Variants in PRKN observed in about 807,000 individuals in gnomAD.
PRKN encodes the protein parkin RBR E3 ubiquitin protein ligase.
PRKN carries 56 observed loss-of-function variants against 59.5 expected under a neutral mutation model. The ratio of observed to expected loss-of-function variants is 0.94; its 90% CI spans 0.76 to 1.18. PRKN has a LOEUF of 1.18. Ranked by LOEUF, PRKN falls within the 50% of genes most tolerant of loss-of-function variation. The probability of loss-of-function intolerance (pLI) is 0.00; values close to 1 mark genes in which losing one functional copy is unlikely to be tolerated. For synonymous variants in PRKN, 250 were observed against 222.1 expected (o/e 1.13, Z -1.12); for missense variants, 657 against 596.4 (o/e 1.10, Z -1.06).
rs1249184911 is a variant in PRKN at position 161,463,367 on chromosome 6, C to T, written c.1084-76490G>A. Among the ~76,000 whole-genome samples the T allele has an allele frequency of 6.6e-6, 1 of 152,178 alleles. No individual in the cohort carries two copies. Among genetic ancestry groups the T allele is most frequent in the Non-Finnish European group, 1.5e-5 (1 of 68,030 alleles). ...ATCCTTACTGATCCTGCCTAACTGG[C>T]TCTTGAATCATGTTTTCCAGAGGTC... On this transcript the variant is annotated intron_variant, in intron 9 of 11. Coordinates refer to ENST00000366898, the MANE Select transcript of PRKN (RefSeq NM_004562.3). The surrounding 1 kb of genome is among the most constrained non-coding windows in gnomAD (Gnocchi z 4.8).
In PRKN at chr6:161,590,509, G is replaced by A. The variant is rs141078262; in HGVS notation, c.872-21093C>T. ...GAACTTTGGGAGGCTGAGGCGGGCCGATCAGTTGAGGTCAGGAGTTCATGA... is the reference window on the plus strand; with the variant it reads ...GAACTTTGGGAGGCTGAGGCGGGCCAATCAGTTGAGGTCAGGAGTTCATGA... On this transcript the variant is annotated intron_variant, in intron 7 of 11. Transcript: ENST00000366898. Among the ~76,000 whole-genome samples, 933 of 152,196 alleles carry A rather than the reference G, an allele frequency of 6.1e-3. 9 individuals carry two copies. The highest frequency in any genetic ancestry group is 0.021 in the African/African-American group (872 of 41,512).
chr6:162,564,472 A>G (rs1187852737), intron 1 of PRKN, among the ~76,000 whole-genome samples: 1 of 152,196 alleles, frequency 6.6e-6, no homozygotes, highest in Non-Finnish European at 1.5e-5. Flanking sequence ...AAACCTAGAG[A>G]AAGATATCAA....
At chr6:161,779,016 T>G (rs966970597) in intron 7 of PRKN, among the ~76,000 whole-genome samples, 12 of 152,176 alleles carry the variant, frequency 7.9e-5, no homozygotes, top group African/African-American at 2.9e-4. Flanking sequence ...CTCGGCTCAC[T>G]GCAACCTCCA....
In PRKN at chr6:162,236,993, G is replaced by A. The variant is rs191211581; in HGVS notation, c.412+25532C>T. Among the ~76,000 whole-genome samples the A allele has an allele frequency of 2.5e-3, 387 of 152,144 alleles. 2 individuals carry two copies. The highest frequency in any genetic ancestry group is 8.7e-3 in the African/African-American group (363 of 41,534). On this transcript the variant is annotated intron_variant, in intron 3 of 11. Coordinates refer to ENST00000366898, the MANE Select transcript of PRKN (RefSeq NM_004562.3). ...CCCTTGAGATGCCTGCAGATCTTAT[G>A]GTCAGAGCATTCTTCTATTGCACCC...
At chr6:162,651,888 T>C (rs911393102) in intron 1 of PRKN, among the ~76,000 whole-genome samples, 1 of 152,224 alleles carries the variant, frequency 6.6e-6, no homozygotes, top group Non-Finnish European at 1.5e-5. Context: ...TATAAGTAGA[T>C]AGTTGACTTT....
At chr6:161,991,171 A>G (rs986680923) in intron 5 of PRKN, among the ~76,000 whole-genome samples, 1 of 152,236 alleles carries the variant, frequency 6.6e-6, no homozygotes, top group African/African-American at 2.4e-5. Flanking sequence ...AGAAAGGAGA[A>G]ATTAAGTCTT....
intron 3 of PRKN, among the ~76,000 whole-genome samples, chr6:162,225,502 A>G (rs189012368): frequency 1.7e-3 from 257 of 152,294 alleles, no homozygotes; most frequent in Admixed American, 3.1e-3. Context: ...AGAAGTTTGA[A>G]AAGTATTTCT....
chr6:161,708,516 G>T (rs1284720301), intron 7 of PRKN, among the ~76,000 whole-genome samples: 3 of 150,998 alleles, frequency 2.0e-5, no homozygotes, highest in Non-Finnish European at 2.9e-5. Flanking sequence ...TTCTGTGTAT[G>T]GGGGGGAGGT....
intron 7 of PRKN, among the ~76,000 whole-genome samples, chr6:161,629,424 A>T (rs1003385332): frequency 6.6e-6 from 1 of 150,992 alleles, no homozygotes; most frequent in Non-Finnish European, 1.5e-5. Flanking sequence ...CTGCCCAATC[A>T]CCCCTCCCTT....
intron 1 of PRKN, among the ~76,000 whole-genome samples, chr6:162,517,559 A>C (rs1367478444): frequency 6.6e-6 from 1 of 152,106 alleles, no homozygotes; most frequent in East Asian, 1.9e-4. Flanking sequence ...CCCGGCCAAT[A>C]TATTTTTTTA....
At chr6:161,567,435 G>A (rs1780697783) in intron 8 of PRKN, among the ~76,000 whole-genome samples, 1 of 151,988 alleles carries the variant, frequency 6.6e-6, no homozygotes, top group Non-Finnish European at 1.5e-5. Context: ...TATATAATAT[G>A]GTTTTCTCTA....
At chr6:162,090,706 G>C (rs1470855211) in intron 4 of PRKN, among the ~76,000 whole-genome samples, 1 of 152,160 alleles carries the variant, frequency 6.6e-6, no homozygotes, top group Non-Finnish European at 1.5e-5. Context: ...AATGATGTAG[G>C]ACGATGTTTC....
intron 1 of PRKN, among the ~76,000 whole-genome samples, chr6:162,565,372 G>GT (rs1454695269): frequency 2.0e-5 from 3 of 152,130 alleles, no homozygotes; most frequent in Non-Finnish European, 4.4e-5. Flanking sequence ...AAATGGAGGA[G>GT]TAAGTCCTTA....
At chr6:161,350,445 C>T (rs936686796) in intron 11 of PRKN, among the ~76,000 whole-genome samples, 1 of 150,888 alleles carries the variant, frequency 6.6e-6, no homozygotes, top group Admixed American at 6.7e-5. Context: ...TCACTTTTGT[C>T]GGGAACAAAT....
At chr6:162,711,585 G>A (rs1388553652) in intron 1 of PRKN, among the ~76,000 whole-genome samples, 1 of 152,096 alleles carries the variant, frequency 6.6e-6, no homozygotes, top group Non-Finnish European at 1.5e-5. Flanking sequence ...CAAATTCATA[G>A]GCTTCTCCTG....
At chr6:161,572,842 A>G (rs1780944902) in intron 7 of PRKN, among the ~76,000 whole-genome samples, 1 of 152,162 alleles carries the variant, frequency 6.6e-6, no homozygotes, top group South Asian at 2.1e-4. Context: ...TGCAGGCTGA[A>G]GATTCTTTTT....
chr6:161,417,448 C>CA lies in PRKN; in HGVS notation c.1084-30572dup, dbSNP rs397741750. Among the ~76,000 whole-genome samples the CA allele has an allele frequency of 0.41, 45,788 of 112,640 alleles. 8,930 individuals are homozygous for CA. The highest frequency in any genetic ancestry group is 0.88 in the East Asian group (3,959 of 4,476). 73.9% of individuals were successfully genotyped at this position (112,640 alleles called of 152,430 possible). A position where few individuals can be genotyped will look rare whatever the true frequency, so the allele number is the denominator to read the frequency against. On this transcript the variant is annotated intron_variant, in intron 9 of 11. Coordinates refer to ENST00000366898, the MANE Select transcript of PRKN (RefSeq NM_004562.3). This position sits in a 1 kb window ranked among gnomAD's most constrained non-coding sequence, Gnocchi z 5.4. ...CTGGCAACAGAGCCAGACGCCGTTTCAAAAAAAAAAAAAAAAAGTCATCTA... is the reference window on the plus strand; with the variant it reads ...CTGGCAACAGAGCCAGACGCCGTTTCAAAAAAAAAAAAAAAAAAGTCATCTA...
At position 161,963,546 on chromosome 6, in the gene PRKN, T is replaced by C. The variant is rs192569071; in HGVS notation, c.734+9756A>G. Among the ~76,000 whole-genome samples the C allele has an allele frequency of 1.9e-3, 282 of 152,348 alleles. 1 individual carries two copies. The highest frequency in any genetic ancestry group is 0.01 in the Middle Eastern group (3 of 294). On this transcript the variant is annotated intron_variant, in intron 6 of 11. Coordinates refer to ENST00000366898, the MANE Select transcript of PRKN (RefSeq NM_004562.3). ...TTCGTAAGTAACTGACCCCAGATAA[T>C]ATGGCAGCATAATCTATATCCTGTG...
chr6:161,632,083 G>C (rs1462202467), intron 7 of PRKN, among the ~76,000 whole-genome samples: 1 of 152,200 alleles, frequency 6.6e-6, no homozygotes, highest in East Asian at 1.9e-4. Flanking sequence ...GTGCACCAAT[G>C]TCAGAGAGCA....
Sources: allele counts gnomAD v4.1 joint callset (sites outside exome capture counted in the v4.1 genomes callset), GRCh38; gene constraint gnomAD v4.1.1; non-coding constraint Gnocchi (gnomAD v3.1); transcripts MANE v1.5; gene names NCBI Gene and HGNC (gene_info 2026-07-23, HGNC 2026-07-21).